Variants in ABCC9 observed in about 807,000 individuals in gnomAD.
ABCC9 encodes the protein ATP binding cassette subfamily C member 9.
A neutral mutation model predicts 188.3 loss-of-function variants in ABCC9; 95 were observed. The observed-to-expected ratio is 0.50, with a 90% CI of 0.43 to 0.60. The LOEUF (loss-of-function observed/expected upper bound fraction) is 0.60. Ranked by LOEUF, ABCC9 falls within the 20% of genes least tolerant of loss-of-function variation. The probability of loss-of-function intolerance (pLI) is 0.00; values close to 1 mark genes in which losing one functional copy is unlikely to be tolerated. For synonymous variants in ABCC9, 659 were observed against 652.7 expected, an observed-to-expected ratio of 1.01 and a Z score of -0.15; for missense variants, 1,102 against 1,876.3, an observed-to-expected ratio of 0.59 and a Z score of 7.62.
intron 25 of ABCC9, 107 bp from the exon 26 acceptor site, chr12:21,845,939 A>T: frequency 1.1e-6 from 1 of 901,268 alleles, no homozygotes; most frequent in Non-Finnish European, 1.8e-6. Flanking sequence ...TAAAAATGTA[A>T]GCATTAGTAT....
chr12:21,884,612 C>T (rs987738765), intron 15 of ABCC9, among the ~76,000 whole-genome samples: 2 of 152,264 alleles, frequency 1.3e-5, no homozygotes, highest in South Asian at 4.1e-4. Flanking sequence ...CAAGATATTG[C>T]TCTTCCAATT....
chr12:21,869,408 C>T (rs1248100915), intron 18 of ABCC9, among the ~76,000 whole-genome samples: 2 of 152,148 alleles, frequency 1.3e-5, no homozygotes, highest in Non-Finnish European at 2.9e-5. Context: ...TCCCTCTTGC[C>T]TCTGTAATTC....
intron 26 of ABCC9, 51 bp from the exon 27 acceptor site, chr12:21,844,966 T>A: frequency 6.3e-7 from 1 of 1,597,984 alleles, no homozygotes. Context: ...AATGGAGTTC[T>A]TTCTTACTAG....
intron 30 of ABCC9, among the ~76,000 whole-genome samples, chr12:21,833,414 T>TA (rs1319094547): frequency 6.6e-6 from 1 of 151,734 alleles, no homozygotes; most frequent in Non-Finnish European, 1.5e-5. Flanking sequence ...TTTAACATAA[T>TA]ATTTTGTTCT....
At chr12:21,904,977 C>T (rs1248569366) in intron 12 of ABCC9, among the ~76,000 whole-genome samples, 1 of 151,918 alleles carries the variant, frequency 6.6e-6, no homozygotes, top group African/African-American at 2.4e-5. Flanking sequence ...GACACATTCA[C>T]ACATGTGTTT....
intron 22 of ABCC9, among the ~76,000 whole-genome samples, chr12:21,855,442 A>C (rs189254795): frequency 6.6e-6 from 1 of 152,012 alleles, no homozygotes; most frequent in Non-Finnish European, 1.5e-5. Flanking sequence ...GGCTGGTTTC[A>C]TACTCCTGAT....
rs1326799889 is a variant in ABCC9, at chr12:21,842,580, G to A, written c.3316-109C>T. Reference sequence around the variant, plus strand: ...GATAGTTACACAGTTAACTACCAAAGTAGTGTATAAGCATGTTCATCCTAA... The same window carrying A: ...GATAGTTACACAGTTAACTACCAAAATAGTGTATAAGCATGTTCATCCTAA... On this transcript the variant is annotated intron_variant, in intron 28 of 39. Coordinates refer to ENST00000261200, the MANE Select transcript of ABCC9 (RefSeq NM_020297.4). The A allele has an allele frequency of 6.4e-6, 7 of 1,098,586 alleles. No homozygotes were observed. The East Asian group carries it at 1.5e-4, about 23-fold the overall frequency. The allele number at this position is 1,098,586 out of a possible 1,614,324, so 68.1% of individuals were successfully genotyped here. A position where few individuals can be genotyped will look rare whatever the true frequency, so the allele number is the denominator to read the frequency against.
intron 12 of ABCC9, among the ~76,000 whole-genome samples, chr12:21,897,382 G>A (rs1487771590): frequency 6.6e-6 from 1 of 152,064 alleles, no homozygotes; most frequent in Non-Finnish European, 1.5e-5. Flanking sequence ...TCTGATGATA[G>A]TTTCTTTTGC....
At chr12:21,851,086 A>C (rs1475583704) in intron 24 of ABCC9, among the ~76,000 whole-genome samples, 1 of 151,982 alleles carries the variant, frequency 6.6e-6, no homozygotes, top group Non-Finnish European at 1.5e-5. Context: ...TTTCTTTTCT[A>C]AAATAATATA....
At chr12:21,859,492 C>T in intron 22 of ABCC9, 94 bp downstream of exon 22, 1 of 1,249,300 alleles carries the variant, frequency 8.0e-7, no homozygotes. Flanking sequence ...GTTAAACCAT[C>T]TTTCCTTGAG....
At chr12:21,892,352 T>C (rs1947198769) in intron 14 of ABCC9, among the ~76,000 whole-genome samples, 1 of 152,196 alleles carries the variant, frequency 6.6e-6, no homozygotes, top group East Asian at 1.9e-4. Context: ...ATCAACTGCT[T>C]TTCTATCTCC....
chr12:21,808,715 C>T (rs981149690), intron 37 of ABCC9, among the ~76,000 whole-genome samples: 8 of 142,814 alleles, frequency 5.6e-5, no homozygotes, highest in African/African-American at 7.9e-5. Context: ...GTGTAGTATG[C>T]GATAATCATG....
rs769439725 is a variant in ABCC9 at position 21,910,871 on chromosome 12, G to C, written c.1119C>G (p.Tyr373Ter). ...ILQRTFLQAS[Y>*]YVTIETGINL... is the part of the protein sequence containing the mutation. ...TAATGCCAGTCTCTATGGTTACATA[G>C]TAGGAAGCCTGCAAAAATGTCCTTT... The change falls in exon 9 of 40, where the codon TAC (tyrosine) becomes TAG (stop). Residue 373 changes from tyrosine to a stop codon, truncating the protein, a stop_gained. Coordinates refer to ENST00000261200, the MANE Select transcript of ABCC9 (RefSeq NM_020297.4). LOFTEE classifies it high-confidence loss of function. The C allele has an allele frequency of 6.2e-7, 1 of 1,612,426 alleles. No homozygotes were observed. Among genetic ancestry groups the C allele is most frequent in the Non-Finnish European group, 8.5e-7 (1 of 1,178,838 alleles).
At chr12:21,870,629 C>T (rs752686994) in intron 18 of ABCC9, among the ~76,000 whole-genome samples, 67 of 152,044 alleles carry the variant, frequency 4.4e-4, no homozygotes, top group African/African-American at 1.1e-3. Flanking sequence ...TTTTTCCTCA[C>T]GTTTCCTTCT....
intron 12 of ABCC9, among the ~76,000 whole-genome samples, chr12:21,904,465 A>G (rs2193881): frequency 0.35 from 53,112 of 152,116 alleles, 9,659 homozygotes; most frequent in Admixed American, 0.39. Flanking sequence ...GCACTGCAAA[A>G]GAAACTACCA....
rs1419961045 is a variant in ABCC9 at position 21,898,881 on chromosome 12, G to GA, written c.1619-3567dup. ...TTTTGAAATTTTTGAAAATATATTG[G>GA]AAAAAAGGGTTTTATGTGAACGAAG... is the stretch of plus-strand genomic sequence containing the variant. On this transcript the variant is annotated intron_variant, in intron 12 of 39. Transcript: ENST00000261200. 3.3e-5 allele frequency among the ~76,000 whole-genome samples: 5 copies of GA among 152,002 alleles called. No homozygotes were observed. In the South Asian group the frequency reaches 6.2e-4, roughly 19 times the overall value.
intron 35 of ABCC9, among the ~76,000 whole-genome samples, chr12:21,813,994 G>A (rs759917937): frequency 2.6e-5 from 4 of 152,254 alleles, no homozygotes; most frequent in South Asian, 2.1e-4. Flanking sequence ...GATACTTTAT[G>A]TGCTGGCCTA....
At chr12:21,863,661 C>T (rs1388162534) in intron 19 of ABCC9, among the ~76,000 whole-genome samples, 1 of 152,098 alleles carries the variant, frequency 6.6e-6, no homozygotes, top group South Asian at 2.1e-4. Flanking sequence ...CTACCTCCCC[C>T]CTTTTGACTT....
chr12:21,824,849 A>AT (rs1943271503), intron 31 of ABCC9, among the ~76,000 whole-genome samples: 1 of 152,014 alleles, frequency 6.6e-6, no homozygotes, highest in African/African-American at 2.4e-5. Context: ...CCCCTTTATC[A>AT]TTTTTTATTG....
Sources: gnomAD v4.1 joint callset for allele counts (sites outside exome capture counted in the v4.1 genomes callset) on GRCh38, gnomAD v4.1.1 for gene constraint, MANE v1.5 for transcripts, NCBI Gene and HGNC (gene_info 2026-07-23, HGNC 2026-07-21) for gene names.